TSR1: variants seen among roughly 807,000 people sequenced by gnomAD.
TSR1 encodes the protein TSR1 ribosome maturation factor.
TSR1 carries 81 observed loss-of-function variants against 90.9 expected under a neutral mutation model. That is an observed-to-expected ratio of 0.89 (90% CI 0.74 to 1.07). TSR1 has a LOEUF of 1.07. Ranked by LOEUF, TSR1 falls within the 50% of genes least tolerant of loss-of-function variation. TSR1 has a pLI of 0.00. For synonymous variants in TSR1, 362 were observed against 348.8 expected (o/e 1.04, Z -0.42); for missense variants, 989 against 987.3 (o/e 1.00, Z -0.02).
chr17:2,323,246 C>T lies in TSR1; in HGVS notation c.*950G>A. The T allele has an allele frequency of 6.2e-7, 1 of 1,614,192 alleles. No homozygotes were observed. Among genetic ancestry groups the T allele is most frequent in the Non-Finnish European group, 8.5e-7 (1 of 1,180,038 alleles). ...TGCCCAATCTTTATCCTCCAGAAAC[C>T]ATAGCAGATGGTGTCAAATCCAGCA... On this transcript the variant is annotated 3_prime_UTR_variant, in exon 15 of 15. Transcript: ENST00000301364.
In TSR1 at chr17:2,334,726, G is replaced by T; in HGVS notation, c.727C>A (p.His243Asn). ...GCCCGCCGATCTCGAAAAGCAAGAT[G>T]CTGTTGCTTCTGGTTAGCCAACTGC... Reference protein sequence around the residue: ...LRQLANQKQQHLAFRDRRAYL... With the variant: ...LRQLANQKQQNLAFRDRRAYL... Residue 243 changes from histidine to asparagine, a missense_variant, in exon 5 of 15, where the codon CAT becomes AAT. Transcript: ENST00000301364. The T allele has an allele frequency of 6.2e-7, 1 of 1,614,090 alleles. No homozygotes were observed. Among genetic ancestry groups the T allele is most frequent in the East Asian group, 2.2e-5 (1 of 44,884 alleles).
At position 2,334,703 on chromosome 17, in the gene TSR1, C is replaced by T; in HGVS notation, c.750G>A (p.Arg250=). The change falls in exon 5 of 15, where the codon CGG becomes CGA. Residue 250 remains arginine (R), a synonymous_variant. Coordinates refer to ENST00000301364, the MANE Select transcript of TSR1 (RefSeq NM_018128.5). ...CAACAGCATGGGCAAATAGGTAGGC[C>T]CGCCGATCTCGAAAAGCAAGATGCT... The part of the protein sequence containing the change: ...KQQHLAFRDR[R]AYLFAHAVDF... 1 of 1,613,634 alleles carries T rather than the reference C, an allele frequency of 6.2e-7. No homozygotes were observed. The highest frequency in any genetic ancestry group is 8.5e-7 in the Non-Finnish European group (1 of 1,180,046).
rs999921519 is a variant in TSR1 at position 2,336,262 on chromosome 17, G to C, written c.97+69C>G. 11 of 1,606,774 alleles carry C rather than the reference G, an allele frequency of 6.8e-6. No homozygotes were observed. The African/African-American group carries it at 1.2e-4, about 18-fold the overall frequency. On this transcript the variant is annotated intron_variant, in intron 1 of 14. Coordinates refer to ENST00000301364, the MANE Select transcript of TSR1 (RefSeq NM_018128.5). The stretch of plus-strand genomic sequence containing the variant: ...AGCCCAGACGGGAGACAGAAGCTCA[G>C]TCTGGGCATGAGGAAAAAGAGTTAA...
At position 2,336,322 on chromosome 17, in the gene TSR1, T is replaced by A; in HGVS notation, c.97+9A>T. 1 of 1,614,174 alleles carries A rather than the reference T, an allele frequency of 6.2e-7. No homozygotes were observed. Among genetic ancestry groups the A allele is most frequent in the African/African-American group, 1.3e-5 (1 of 75,068 alleles). ...AATAGCCCTTATTCCTTCTACGTTA[T>A]CTCCTTACCCTTGCCGTCCCGCTGT... On this transcript the variant is annotated intron_variant, in intron 1 of 14. Coordinates refer to ENST00000301364, the MANE Select transcript of TSR1 (RefSeq NM_018128.5).
rs776757233 is a variant in TSR1 at position 2,335,447 on chromosome 17, T to TAAA, written c.422-56_422-54dup. On this transcript the variant is annotated intron_variant, in intron 3 of 14. Transcript: ENST00000301364. ...GGTGGTTGGCACCAGCACATTATTC[T>TAAA]AAAAAAAAAAAAAAAAAATACCACT... 2.8e-3 allele frequency: 4,165 copies of TAAA among 1,490,980 alleles called. 23 individuals are homozygous for TAAA. In the East Asian group the frequency reaches 0.07, roughly 25 times the overall value. The allele number at this position is 1,490,980 out of a possible 1,614,324, so 92.4% of individuals were successfully genotyped here.
At chr17:2,331,578 CT>C (rs1333151089) in intron 8 of TSR1, among the ~76,000 whole-genome samples, 2 of 152,154 alleles carry the variant, frequency 1.3e-5, no homozygotes, top group African/African-American at 4.8e-5. Context: ...CCCCCTCCAC[CT>C]TCTGCCATGA....
In TSR1 at chr17:2,325,057, A is replaced by G. The variant is rs999443598; in HGVS notation, c.2021-228T>C. 9 of 602,220 alleles carry G rather than the reference A, an allele frequency of 1.5e-5. No homozygotes were observed. In the African/African-American group the frequency reaches 1.7e-4, roughly 11 times the overall value. 37.3% of individuals were successfully genotyped at this position (602,220 alleles called of 1,614,324 possible). A position where few individuals can be genotyped will look rare whatever the true frequency, so the allele number is the denominator to read the frequency against. On this transcript the variant is annotated intron_variant, in intron 12 of 14. Coordinates refer to ENST00000301364, the MANE Select transcript of TSR1 (RefSeq NM_018128.5). The stretch of plus-strand genomic sequence containing the variant: ...GTATAACAAAACCATACTTTTTCTC[A>G]TCAGTTGTTACAAGGAAAGGATGTT...
chr17:2,334,370 A>G, intron 5 of TSR1, 102 bp downstream of exon 5: 2 of 1,229,354 alleles, frequency 1.6e-6, no homozygotes, highest in Non-Finnish European at 2.3e-6. Context: ...TCAGACTAGC[A>G]GTCTCCTCAT....
At chr17:2,336,209 C>T in intron 1 of TSR1, 69 bp from the exon 2 acceptor site, 2 of 1,599,680 alleles carry the variant, frequency 1.3e-6, no homozygotes, top group South Asian at 2.2e-5. Flanking sequence ...CTCCTCTCCG[C>T]CCACCTTAGA....
chr17:2,325,875 T>C (rs973452367), intron 11 of TSR1, among the ~76,000 whole-genome samples: 2 of 152,154 alleles, frequency 1.3e-5, no homozygotes, highest in Non-Finnish European at 2.9e-5. Flanking sequence ...TCTCCCAAAG[T>C]GCTGGGATTA....
At chr17:2,328,760 C>CA (rs1302178782) in intron 11 of TSR1, among the ~76,000 whole-genome samples, 1 of 148,980 alleles carries the variant, frequency 6.7e-6, no homozygotes, top group African/African-American at 2.5e-5. Flanking sequence ...ACTAAAAATA[C>CA]AAAAAATTAG....
chr17:2,334,754 A>G lies in TSR1; in HGVS notation c.699T>C (p.Leu233=). 1 of 1,614,198 alleles carries G rather than the reference A, an allele frequency of 6.2e-7. No homozygotes were observed. Among genetic ancestry groups the G allele is most frequent in the East Asian group, 2.2e-5 (1 of 44,884 alleles). Residue 233 remains leucine, a synonymous_variant, in exon 5 of 15, where the codon CTT becomes CTC. Coordinates refer to ENST00000301364, the MANE Select transcript of TSR1 (RefSeq NM_018128.5). The part of the protein sequence containing the change: ...LDTQQEAGML[L]RQLANQKQQH... Reference sequence around the variant, plus strand: ...GTTGCTTCTGGTTAGCCAACTGCCTAAGCAGCATCCCTGCCTCCTGTTGAG... The same window carrying G: ...GTTGCTTCTGGTTAGCCAACTGCCTGAGCAGCATCCCTGCCTCCTGTTGAG...
In TSR1 at chr17:2,336,443, T is replaced by G; in HGVS notation, c.-16A>C. On this transcript the variant is annotated 5_prime_UTR_variant, in exon 1 of 15. Transcript: ENST00000301364. ...GGGCCGCCATGCCGCAGCGCGCGTG[T>G]ACGGAGTCAGCACTGCTTCCGGGCC... 1 of 1,607,424 alleles carries G rather than the reference T, an allele frequency of 6.2e-7. No individual in the cohort carries two copies. Among genetic ancestry groups the G allele is most frequent in the African/African-American group, 1.3e-5 (1 of 74,986 alleles).
intron 11 of TSR1, among the ~76,000 whole-genome samples, chr17:2,327,211 G>GT (rs1334603276): frequency 6.6e-6 from 1 of 152,034 alleles, no homozygotes; most frequent in Non-Finnish European, 1.5e-5. Flanking sequence ...GAGGTCAAGA[G>GT]TTTGAGAACA....
chr17:2,335,816 CT>C, intron 2 of TSR1, 86 bp from the exon 3 acceptor site: 1 of 1,448,074 alleles, frequency 6.9e-7, no homozygotes, highest in Middle Eastern at 2.4e-4. Flanking sequence ...GATGCTCCCC[CT>C]ACCCAAAACC....
intron 12 of TSR1, 36 bp downstream of exon 12, chr17:2,325,268 C>A (rs1448451289): frequency 4.1e-6 from 6 of 1,479,228 alleles, no homozygotes; most frequent in South Asian, 2.4e-5. Flanking sequence ...CTATTAAGGA[C>A]CTGCAGGGTC....
intron 12 of TSR1, 158 bp from the exon 13 acceptor site, chr17:2,324,987 C>A: frequency 2.6e-6 from 2 of 765,412 alleles, no homozygotes; most frequent in South Asian, 2.0e-5. Flanking sequence ...CCACACTTAA[C>A]CTTGTCAATA....
At chr17:2,328,971 C>T in intron 11 of TSR1, 3 of 210,412 alleles carry the variant, frequency 1.4e-5, no homozygotes, top group Non-Finnish European at 9.7e-6. Flanking sequence ...AAGATTAAAT[C>T]TTACCTTTTT....
Position 2,323,317 on chromosome 17 carries a change from T to A in TSR1, c.*879A>T, listed in dbSNP as rs1291429472. On this transcript the variant is annotated 3_prime_UTR_variant, in exon 15 of 15. Coordinates refer to ENST00000301364, the MANE Select transcript of TSR1 (RefSeq NM_018128.5). ...ATTATCAGGGACCTTGTGGATGATA[T>A]CTTCACTGTCACAGAGGATGAAATT... is the stretch of plus-strand genomic sequence containing the variant. 1 of 1,614,036 alleles carries A rather than the reference T, an allele frequency of 6.2e-7. No individual in the cohort carries two copies. Among genetic ancestry groups the A allele is most frequent in the Non-Finnish European group, 8.5e-7 (1 of 1,179,916 alleles).
Sources: allele counts gnomAD v4.1 joint callset (sites outside exome capture counted in the v4.1 genomes callset), GRCh38; gene constraint gnomAD v4.1.1; transcripts MANE v1.5; gene names NCBI Gene and HGNC (gene_info 2026-07-23, HGNC 2026-07-21).